Variants in JADE3 observed in about 807,000 individuals in gnomAD.
JADE3 encodes protein Jade-3.
A neutral mutation model predicts 50.1 loss-of-function variants in JADE3; 2 were observed. The observed-to-expected ratio is 0.04, with a 90% confidence interval of 0.02 to 0.13. JADE3 has a LOEUF of 0.13. Ranked by LOEUF, JADE3 falls within the 10% of genes least tolerant of loss-of-function variation. The probability of loss-of-function intolerance (pLI) is 1.00; values close to 1 mark genes in which losing one functional copy is unlikely to be tolerated. For missense variants in JADE3, 475 were observed against 634.4 expected (o/e 0.75, Z 2.70); for synonymous variants, 218 against 232.9 (o/e 0.94, Z 0.58).
At chrX:46,995,943 A>G (rs542194487) in intron 3 of JADE3, among the ~76,000 whole-genome samples, 27 of 112,851 alleles carry the variant, frequency 2.4e-4, no homozygotes, top group African/African-American at 8.3e-4. Context: ...AGGAAAAATT[A>G]TAATAGTCAT....
intron 1 of JADE3, among the ~76,000 whole-genome samples, chrX:46,918,253 C>T (rs1362974724): frequency 9.0e-6 from 1 of 111,549 alleles, no homozygotes; most frequent in African/African-American, 3.3e-5. Context: ...TTCCTGGAAA[C>T]CTGAGTTGTT....
intron 5 of JADE3, among the ~76,000 whole-genome samples, chrX:47,025,149 C>T (rs375850263): frequency 4.4e-4 from 49 of 111,758 alleles, no homozygotes; most frequent in Middle Eastern, 9.3e-3. Flanking sequence ...GTTAATGGCA[C>T]AGATCAAGGA....
At chrX:46,990,839 A>G (rs782565101) in intron 3 of JADE3, among the ~76,000 whole-genome samples, 1 of 109,717 alleles carries the variant, frequency 9.1e-6, no homozygotes, top group East Asian at 2.9e-4. Flanking sequence ...ACCCATTAGC[A>G]GTTACTCCCC....
At chrX:46,951,088 T>C (rs1556344818) in intron 1 of JADE3, among the ~76,000 whole-genome samples, 1 of 108,144 alleles carries the variant, frequency 9.2e-6, no homozygotes, top group African/African-American at 3.3e-5. Context: ...TATTTTTATT[T>C]ATTTTTTTGA....
In JADE3 at chrX:47,004,473, C is replaced by T. The variant is rs185470642; in HGVS notation, c.284+6196C>T. 4.5e-4 allele frequency among the ~76,000 whole-genome samples: 50 copies of T among 112,065 alleles called. 2 individuals are homozygous for T. The highest frequency in any genetic ancestry group is 1.1e-4 in the Non-Finnish European group (6 of 53,186). On this transcript the variant is annotated intron_variant, in intron 4 of 10. Coordinates refer to ENST00000614628, the MANE Select transcript of JADE3 (RefSeq NM_014735.5). ...TTGTTTGAGGCCTTGCTCTGTCACC[C>T]AGGCTGCAGTGAAATGGCACAATCA...
intron 1 of JADE3, among the ~76,000 whole-genome samples, chrX:46,918,322 A>G (rs1926152219): frequency 8.9e-6 from 1 of 112,283 alleles, no homozygotes; most frequent in African/African-American, 3.2e-5. Context: ...ATATCATGAT[A>G]AAGATACTTC....
At chrX:46,997,032 C>T (rs1427688150) in intron 3 of JADE3, among the ~76,000 whole-genome samples, 1 of 112,005 alleles carries the variant, frequency 8.9e-6, no homozygotes, top group Admixed American at 9.5e-5. Flanking sequence ...AAAGCATGAT[C>T]TTGTAATCAA....
chrX:46,966,046 A>G (rs1422875467), intron 1 of JADE3, among the ~76,000 whole-genome samples: 4 of 112,356 alleles, frequency 3.6e-5, no homozygotes, highest in African/African-American at 9.7e-5. Context: ...AACTAAGAAA[A>G]TGACAGCTGA....
chrX:47,012,332 A>C (rs1173943299), intron 4 of JADE3, among the ~76,000 whole-genome samples: 1 of 111,386 alleles, frequency 9.0e-6, no homozygotes, highest in Non-Finnish European at 1.9e-5. Context: ...CTGTAATCCC[A>C]ACACTTTGGG....
intron 3 of JADE3, among the ~76,000 whole-genome samples, chrX:46,991,157 T>C (rs1556355867): frequency 1.0e-5 from 1 of 99,489 alleles, no homozygotes; most frequent in Admixed American, 1.1e-4. Context: ...CAATCTCGGC[T>C]CACTGCAACC....
chrX:46,920,337 T>G (rs782193732), intron 1 of JADE3, among the ~76,000 whole-genome samples: 1 of 112,807 alleles, frequency 8.9e-6, no homozygotes, highest in African/African-American at 3.2e-5. Context: ...TCATGCAATA[T>G]GTAGCCTTTT....
At chrX:47,008,803 G>A (rs1928494268) in intron 4 of JADE3, among the ~76,000 whole-genome samples, 1 of 111,161 alleles carries the variant, frequency 9.0e-6, no homozygotes, top group African/African-American at 3.3e-5. Context: ...GGAAACTTTT[G>A]GGGGTGATGG....
chrX:46,990,164 T>A (rs1262200157), intron 3 of JADE3, among the ~76,000 whole-genome samples: 1 of 112,186 alleles, frequency 8.9e-6, no homozygotes, highest in Non-Finnish European at 1.9e-5. Flanking sequence ...CAGATAATTC[T>A]AACATCTGTG....
At chrX:46,930,614 CTT>C (rs1556339719) in intron 1 of JADE3, among the ~76,000 whole-genome samples, 1 of 111,920 alleles carries the variant, frequency 8.9e-6, no homozygotes, top group African/African-American at 3.3e-5. Context: ...TCACTCCTCT[CTT>C]TGCTTAATAG....
At chrX:46,943,641 C>G (rs1172549433) in intron 1 of JADE3, among the ~76,000 whole-genome samples, 2 of 111,583 alleles carry the variant, frequency 1.8e-5, no homozygotes, top group African/African-American at 6.5e-5. Flanking sequence ...GGATTTTTGT[C>G]TACCTTCATC....
intron 1 of JADE3, among the ~76,000 whole-genome samples, chrX:46,968,885 G>C (rs782063460): frequency 9.0e-6 from 1 of 111,588 alleles, no homozygotes; most frequent in African/African-American, 3.3e-5. Context: ...AGAACCAGTA[G>C]ACAGAAAATC....
chrX:47,013,640 AC>A (rs1259101601), intron 4 of JADE3, among the ~76,000 whole-genome samples: 1 of 110,034 alleles, frequency 9.1e-6, no homozygotes, highest in Non-Finnish European at 1.9e-5. Flanking sequence ...GAAAATGGGT[AC>A]CCTTAAAGAT....
chrX:46,967,269 A>G (rs1927388093), intron 1 of JADE3, among the ~76,000 whole-genome samples: 1 of 112,054 alleles, frequency 8.9e-6, no homozygotes, highest in South Asian at 3.7e-4. Context: ...GTTTCATCAC[A>G]TTGAACAATC....
chrX:46,999,208 G>T, intron 4 of JADE3, among the ~76,000 whole-genome samples: 1 of 109,127 alleles, frequency 9.2e-6, no homozygotes, highest in East Asian at 2.9e-4. Context: ...ATTCACTCCT[G>T]CAGGAACTCA....
Sources: gnomAD v4.1 joint callset for allele counts (sites outside exome capture counted in the v4.1 genomes callset) on GRCh38, gnomAD v4.1.1 for gene constraint, MANE v1.5 for transcripts, NCBI Gene and HGNC (gene_info 2026-07-23, HGNC 2026-07-21) for gene names.